LPCAT2: variants seen among roughly 807,000 people sequenced by gnomAD.
LPCAT2 encodes lysophosphatidylcholine acyltransferase 2, also known as 1-AGP acyltransferase 11.
Under a neutral mutation model 64.7 loss-of-function variants are expected in LPCAT2, and 58 were observed. The observed-to-expected ratio is 0.90, with a 90% CI of 0.73 to 1.12. The LOEUF is 1.12. Among genes scored for constraint, LPCAT2 ranks in the 50% most tolerant of loss-of-function variants. The probability of loss-of-function intolerance (pLI) is 0.00; values close to 1 mark genes in which losing one functional copy is unlikely to be tolerated. For synonymous variants in LPCAT2, 252 were observed against 245.3 expected (o/e 1.03, Z -0.26); for missense variants, 579 against 669.8 (o/e 0.86, Z 1.50).
At chr16:55,563,050 A>T (rs955495913) in intron 11 of LPCAT2, among the ~76,000 whole-genome samples, 10 of 152,030 alleles carry the variant, frequency 6.6e-5, no homozygotes, top group African/African-American at 2.4e-4. Context: ...AAGAGAAGAC[A>T]TTGCTACCAA....
chr16:55,527,350 G>A (rs1963185139), intron 2 of LPCAT2, among the ~76,000 whole-genome samples: 1 of 151,680 alleles, frequency 6.6e-6, no homozygotes, highest in Non-Finnish European at 1.5e-5. Flanking sequence ...CCTGGTGGTG[G>A]GCGCCTGTAA....
chr16:55,515,424 CTG>C (rs1327288232), intron 1 of LPCAT2, among the ~76,000 whole-genome samples: 1 of 152,084 alleles, frequency 6.6e-6, no homozygotes, highest in Non-Finnish European at 1.5e-5. Context: ...TGAGCAAAAA[CTG>C]AGAGAATTTG....
intron 1 of LPCAT2, among the ~76,000 whole-genome samples, chr16:55,512,256 A>G (rs534466932): frequency 1.3e-5 from 2 of 152,356 alleles, no homozygotes; most frequent in East Asian, 3.9e-4. Flanking sequence ...TAACAGGACT[A>G]GTTTTAGTCT....
chr16:55,530,089 T>A, intron 4 of LPCAT2, 142 bp downstream of exon 4: 1 of 524,198 alleles, frequency 1.9e-6, no homozygotes, highest in Non-Finnish European at 3.3e-6. Context: ...GCAGAGTAAA[T>A]ACAGTAGCCA....
intron 11 of LPCAT2, among the ~76,000 whole-genome samples, chr16:55,569,858 C>T (rs191377126): frequency 1.4e-4 from 21 of 152,248 alleles, no homozygotes; most frequent in African/African-American, 5.1e-4. Flanking sequence ...TCTTAGTTTT[C>T]ATTCAATATT....
At chr16:55,564,022 C>G (rs1963665111) in intron 11 of LPCAT2, among the ~76,000 whole-genome samples, 1 of 151,748 alleles carries the variant, frequency 6.6e-6, no homozygotes, top group Non-Finnish European at 1.5e-5. Flanking sequence ...GGATATGAAT[C>G]AACACACAAA....
intron 8 of LPCAT2, chr16:55,539,284 T>A (rs571283455): frequency 4.0e-5 from 6 of 149,976 alleles, no homozygotes; most frequent in African/African-American, 1.5e-4. Context: ...TTAATTACGA[T>A]ATTTGCATTC....
intron 1 of LPCAT2, among the ~76,000 whole-genome samples, chr16:55,525,015 A>G (rs756200349): frequency 6.6e-6 from 1 of 152,020 alleles, no homozygotes; most frequent in Non-Finnish European, 1.5e-5. Flanking sequence ...TTTCTCATCT[A>G]TCTCCTTATT....
intron 13 of LPCAT2, among the ~76,000 whole-genome samples, chr16:55,582,442 C>CT (rs1226799925): frequency 6.6e-6 from 1 of 152,044 alleles, no homozygotes; most frequent in Non-Finnish European, 1.5e-5. Context: ...TTATATCTTG[C>CT]TTTTTTCATT....
At chr16:55,552,573 G>A (rs1442850273) in intron 11 of LPCAT2, among the ~76,000 whole-genome samples, 1 of 152,116 alleles carries the variant, frequency 6.6e-6, no homozygotes, top group African/African-American at 2.4e-5. Context: ...AGATGTTTGG[G>A]GTTTGGTTCT....
intron 1 of LPCAT2, among the ~76,000 whole-genome samples, chr16:55,511,099 G>A (rs1466275623): frequency 1.3e-5 from 2 of 151,868 alleles, no homozygotes; most frequent in Admixed American, 6.6e-5. Context: ...TACTTTTCTC[G>A]TCTATTACAT....
rs1963646687 is a variant in LPCAT2 at position 55,562,426 on chromosome 16, G to A, written c.1215+11324G>A. Among the ~76,000 whole-genome samples, 5 of 151,944 alleles carry A rather than the reference G, an allele frequency of 3.3e-5. No individual in the cohort carries two copies. The South Asian group carries it at 1.0e-3, about 31-fold the overall frequency. ...TATACTTGTTTGATATCATAGGACA[G>A]TGTACTAGCTGCGTGACCTTGGATA... is the stretch of plus-strand genomic sequence containing the variant. On this transcript the variant is annotated intron_variant, in intron 11 of 13. Coordinates refer to ENST00000262134, the MANE Select transcript of LPCAT2 (RefSeq NM_017839.5).
chr16:55,533,966 T>G (rs1434210951), intron 6 of LPCAT2, among the ~76,000 whole-genome samples: 1 of 152,296 alleles, frequency 6.6e-6, no homozygotes, highest in East Asian at 1.9e-4. Flanking sequence ...TAGAGGCTGG[T>G]TTTTCAACCT....
At chr16:55,511,872 G>A (rs575129857) in intron 1 of LPCAT2, among the ~76,000 whole-genome samples, 1 of 152,222 alleles carries the variant, frequency 6.6e-6, no homozygotes, top group African/African-American at 2.4e-5. Flanking sequence ...ATGCTATATG[G>A]TCCTTTCTTT....
intron 8 of LPCAT2, among the ~76,000 whole-genome samples, chr16:55,543,537 C>T (rs1421186835): frequency 6.6e-6 from 1 of 152,016 alleles, no homozygotes; most frequent in Non-Finnish European, 1.5e-5. Context: ...TTTCAACTTA[C>T]TGTTTTTTTC....
intron 11 of LPCAT2, among the ~76,000 whole-genome samples, chr16:55,574,128 T>C (rs1963801227): frequency 6.6e-6 from 1 of 152,198 alleles, no homozygotes; most frequent in Admixed American, 6.5e-5. Context: ...TGGTTTACTA[T>C]AGATTAAGCC....
intron 8 of LPCAT2, chr16:55,539,487 ATATTCT>A (rs1463543183): frequency 6.6e-6 from 1 of 152,136 alleles, no homozygotes; most frequent in Non-Finnish European, 1.5e-5. Context: ...TTTAGTACAA[ATATTCT>A]TATTTTAATT....
rs752451827 is a variant in LPCAT2 at position 55,528,594 on chromosome 16, A to G, written c.529A>G (p.Arg177Gly). The G allele has an allele frequency of 1.9e-6, 3 of 1,603,212 alleles. No individual in the cohort carries two copies. Among genetic ancestry groups the G allele is most frequent in the Non-Finnish European group, 2.6e-6 (3 of 1,170,158 alleles). Reference sequence around the variant, plus strand: ...GAATGCACAAGTCCCTCTGATTGGCAGTAAGTACTTGTAAGGTAACGTAGA... The same window carrying G: ...GAATGCACAAGTCCCTCTGATTGGCGGTAAGTACTTGTAAGGTAACGTAGA... The part of the protein sequence containing the change: ...NENAQVPLIG[R>G]LLRAVQPVLV... The change falls in exon 3 of 14, where the codon AGA becomes GGA. Residue 177 changes from arginine to glycine, a missense_variant and splice_region_variant. By Grantham distance (125) the Arg-to-Gly change is moderately radical (BLOSUM62 -2). Transcript: ENST00000262134.
At chr16:55,511,047 A>T (rs1178901279) in intron 1 of LPCAT2, among the ~76,000 whole-genome samples, 2 of 152,188 alleles carry the variant, frequency 1.3e-5, no homozygotes, top group Non-Finnish European at 1.5e-5. Context: ...GTCATTTATT[A>T]GTTGTATGAC....
Sources: gnomAD v4.1 joint callset for allele counts (sites outside exome capture counted in the v4.1 genomes callset) on GRCh38, gnomAD v4.1.1 for gene constraint, MANE v1.5 for transcripts, NCBI Gene and HGNC (gene_info 2026-07-23, HGNC 2026-07-21) for gene names.